The following UGGT1 variants were observed in gnomAD, a reference collection of about 807,000 sequenced individuals.
UGGT1 encodes UDP-glucose glycoprotein glucosyltransferase 1, also known as UDP-glucose:glycoprotein glucosyltransferase 1.
In UGGT1, 107 loss-of-function variants were observed where a neutral mutation model predicts 203.9. That is an observed-to-expected ratio of 0.52 (90% confidence interval 0.45 to 0.62). The LOEUF (loss-of-function observed/expected upper bound fraction) is 0.62, where lower values mean the gene tolerates loss of function less well. Ranked by LOEUF, UGGT1 falls within the 20% of genes least tolerant of loss-of-function variation. The pLI is 0.00. For missense variants in UGGT1, 1,673 were observed against 1,867.2 expected, an observed-to-expected ratio of 0.90 and a Z score of 1.92; for synonymous variants, 628 against 653.5, an observed-to-expected ratio of 0.96 and a Z score of 0.59.
In UGGT1 at chr2:128,149,760, A is replaced by G. The variant is rs527412684; in HGVS notation, c.2017-3024A>G. On this transcript the variant is annotated intron_variant, in intron 18 of 40. Transcript: ENST00000259253. ...GAGATTGCGCCACTGCACTCCAGCCAGGGTGACAGAGCAAGACTCCGTCTC... is the reference window on the plus strand; with the variant it reads ...GAGATTGCGCCACTGCACTCCAGCCGGGGTGACAGAGCAAGACTCCGTCTC... Among the ~76,000 whole-genome samples the G allele has an allele frequency of 8.4e-4, 127 of 150,902 alleles. 1 individual carries two copies. The highest frequency in any genetic ancestry group is 1.4e-3 in the Non-Finnish European group (93 of 67,624).
At chr2:128,113,433 G>C (rs959069579) in intron 6 of UGGT1, among the ~76,000 whole-genome samples, 175 bp downstream of exon 6, 1 of 152,044 alleles carries the variant, frequency 6.6e-6, no homozygotes, top group East Asian at 1.9e-4. Context: ...GCTTTGCTTG[G>C]CTTTCTGAAG....
chr2:128,097,433 T>C lies in UGGT1; in HGVS notation c.63T>C (p.Val21=). The change falls in exon 2 of 41, where the codon GTT becomes GTC. Residue 21 remains valine (V), a synonymous_variant. Transcript: ENST00000259253. ...CAAGALPVTG[V]CYKMGVLVVL... ...CTTTTCTTTTTTTCCTTTTAGGAGT[T>C]TGCTATAAAATGGGAGTTCTGGTTG... 1 of 1,602,588 alleles carries C rather than the reference T, an allele frequency of 6.2e-7. No homozygotes were observed. Among genetic ancestry groups the C allele is most frequent in the African/African-American group, 1.3e-5 (1 of 74,114 alleles).
chr2:128,137,960 G>A (rs1014922174), intron 15 of UGGT1, among the ~76,000 whole-genome samples: 4 of 151,908 alleles, frequency 2.6e-5, no homozygotes, highest in Non-Finnish European at 5.9e-5. Context: ...TTTTTGTCGT[G>A]GGACAGTTGT....
At chr2:128,120,573 T>G in intron 9 of UGGT1, 117 bp downstream of exon 9, 1 of 777,570 alleles carries the variant, frequency 1.3e-6, no homozygotes, top group Non-Finnish European at 2.2e-6. Flanking sequence ...TGCCTCAGAT[T>G]TTAAAGATAA....
intron 14 of UGGT1, among the ~76,000 whole-genome samples, chr2:128,134,083 C>T (rs185152624): frequency 1.8e-4 from 28 of 152,316 alleles, no homozygotes; most frequent in African/African-American, 6.7e-4. Flanking sequence ...GTTGCCCAGG[C>T]TGGAGTGCAG....
rs1346844961 is a variant in UGGT1, at chr2:128,194,836, A to G, written c.*5094A>G. On this transcript the variant is annotated 3_prime_UTR_variant, in exon 41 of 41. Coordinates refer to ENST00000259253, the MANE Select transcript of UGGT1 (RefSeq NM_020120.4). Reference sequence around the variant, plus strand: ...CAGGGTATATACCTGAAATGCCTAGAGGATACAGATTTCTCATTTCATTCT... The same window carrying G: ...CAGGGTATATACCTGAAATGCCTAGGGGATACAGATTTCTCATTTCATTCT... The G allele has an allele frequency of 6.6e-6, 1 of 152,196 alleles. No individual in the cohort carries two copies. The highest frequency in any genetic ancestry group is 1.5e-5 in the Non-Finnish European group (1 of 68,038). The allele number at this position is 152,196 out of a possible 1,614,324, so 9.4% of individuals were successfully genotyped here. A position where few individuals can be genotyped will look rare whatever the true frequency, so the allele number is the denominator to read the frequency against.
intron 2 of UGGT1, among the ~76,000 whole-genome samples, chr2:128,102,893 A>G (rs34378868): frequency 0.31 from 47,401 of 152,074 alleles, 8,694 homozygotes; most frequent in Non-Finnish European, 0.4. Flanking sequence ...TTCTTAGACT[A>G]TAAGCTATGC....
chr2:128,121,652 C>T (rs1688388537), intron 10 of UGGT1, among the ~76,000 whole-genome samples: 1 of 152,016 alleles, frequency 6.6e-6, no homozygotes, highest in Non-Finnish European at 1.5e-5. Context: ...AGTGATCTGC[C>T]CGCCTTGGCC....
chr2:128,159,579 C>T lies in UGGT1; in HGVS notation c.2421C>T (p.Asn807=), dbSNP rs1159243762. The T allele has an allele frequency of 1.9e-6, 3 of 1,614,038 alleles. No homozygotes were observed. Among genetic ancestry groups the T allele is most frequent in the Admixed American group, 1.7e-5 (1 of 59,994 alleles). ...NNPAKEISYE[N]TQISRAIWAA... is the part of the protein sequence containing the mutation. ...CTGCCAAAGAGATAAGCTATGAGAA[C>T]ACTCAGATCTCCAGAGCAATCTGGG... Residue 807 remains asparagine, a synonymous_variant, in exon 23 of 41, where the codon AAC becomes AAT. Coordinates refer to ENST00000259253, the MANE Select transcript of UGGT1 (RefSeq NM_020120.4).
intron 18 of UGGT1, among the ~76,000 whole-genome samples, chr2:128,147,162 G>A (rs546311512): frequency 6.6e-6 from 1 of 152,296 alleles, no homozygotes; most frequent in Non-Finnish European, 1.5e-5. Flanking sequence ...TATGCACATG[G>A]TGGTACTCTC....
intron 4 of UGGT1, 140 bp downstream of exon 4, chr2:128,108,208 A>C: frequency 9.0e-7 from 1 of 1,110,566 alleles, no homozygotes. Context: ...GATTTTTAAA[A>C]AAAATAATAA....
At chr2:128,179,896 C>G (rs774754858) in intron 35 of UGGT1, 26 bp downstream of exon 35, 1 of 1,583,522 alleles carries the variant, frequency 6.3e-7, no homozygotes. Flanking sequence ...AAAGGGAAAA[C>G]ATTCTTATTA....
Position 128,156,389 on chromosome 2 carries a change from C to T in UGGT1, c.2237-3C>T. 1 of 1,590,548 alleles carries T rather than the reference C, an allele frequency of 6.3e-7. No homozygotes were observed. The highest frequency in any genetic ancestry group is 8.6e-7 in the Non-Finnish European group (1 of 1,160,204). ...CTACTCTTTTCTCTTTACCTTTGTT[C>T]AGGAATGTCCTCCAAGGAAATCTAT... On this transcript the variant is annotated splice_polypyrimidine_tract_variant and splice_region_variant and intron_variant, in intron 20 of 40. Coordinates refer to ENST00000259253, the MANE Select transcript of UGGT1 (RefSeq NM_020120.4).
At position 128,174,811 on chromosome 2, in the gene UGGT1, C is replaced by T; in HGVS notation, c.3492C>T (p.Ile1164=). 6.2e-7 allele frequency: 1 copy of T among 1,613,868 alleles called. No individual in the cohort carries two copies. Among genetic ancestry groups the T allele is most frequent in the African/African-American group, 1.3e-5 (1 of 75,028 alleles). The change falls in exon 31 of 41, where the codon ATC becomes ATT. Residue 1164 remains isoleucine (I), a synonymous_variant. Coordinates refer to ENST00000259253, the MANE Select transcript of UGGT1 (RefSeq NM_020120.4). ...TGAAAGCCAACCCAGGAGCTTGGAT[C>T]CTCAGACTTAGGAAGGGACGCTCTG... The part of the protein sequence containing the change: ...FQLKANPGAW[I]LRLRKGRSED...
At chr2:128,151,820 G>C (rs1053262445) in intron 18 of UGGT1, among the ~76,000 whole-genome samples, 2 of 152,096 alleles carry the variant, frequency 1.3e-5, no homozygotes, top group Non-Finnish European at 2.9e-5. Context: ...GCAGTGAGCT[G>C]TGGTTTTGAT....
intron 13 of UGGT1, among the ~76,000 whole-genome samples, chr2:128,130,800 T>C: frequency 6.6e-6 from 1 of 152,190 alleles, no homozygotes; most frequent in East Asian, 1.9e-4. Flanking sequence ...TTTCTTTCTT[T>C]TGTTTTTTTA....
intron 8 of UGGT1, among the ~76,000 whole-genome samples, chr2:128,119,925 T>C (rs1339937393): frequency 6.6e-6 from 1 of 151,750 alleles, no homozygotes. Context: ...TCTCCTTTGT[T>C]CCTTTCTTTC....
In UGGT1 at chr2:128,159,658, G is replaced by C; in HGVS notation, c.2500G>C (p.Ala834Pro). The C allele has an allele frequency of 6.2e-7, 1 of 1,614,076 alleles. No individual in the cohort carries two copies. The highest frequency in any genetic ancestry group is 8.5e-7 in the Non-Finnish European group (1 of 1,180,020). ...TGCTAAGAACTTCATCACCAAAATG[G>C]CCAAGGAGGGGGCTGCAGAGGCCCT... ...NAAKNFITKM[A>P]KEGAAEALAA... Residue 834 changes from alanine to proline, a missense_variant, in exon 23 of 41, where the codon GCC (alanine) becomes CCC (proline). Ala to Pro is a conservative substitution (Grantham distance 27). Around this residue, in one of 4 missense-constraint regions of UGGT1, gnomAD observed 1,073 missense variants for 1,078.7 expected, o/e 0.99. Transcript: ENST00000259253.
chr2:128,106,739 G>T (rs958118262), intron 3 of UGGT1, among the ~76,000 whole-genome samples: 2 of 152,052 alleles, frequency 1.3e-5, no homozygotes, highest in African/African-American at 4.8e-5. Context: ...TAATAGAGAT[G>T]GGGTTTCACC....
Sources: gnomAD v4.1 joint callset for allele counts (sites outside exome capture counted in the v4.1 genomes callset) on GRCh38, gnomAD v4.1.1 for gene constraint, gnomAD v4.1.1 regional missense constraint, MANE v1.5 for transcripts, NCBI Gene and HGNC (gene_info 2026-07-23, HGNC 2026-07-21) for gene names.